Variants in KHDRBS3 observed in about 807,000 individuals in gnomAD.
The protein encoded by KHDRBS3 is KH domain-containing, RNA-binding, signal transduction-associated protein 3.
In KHDRBS3, 23 loss-of-function variants were observed where a neutral mutation model predicts 45.6. The observed-to-expected ratio is 0.50, with a 90% confidence interval of 0.36 to 0.72. The LOEUF is 0.72. KHDRBS3 is among the 30% of genes least tolerant of loss of function. The pLI, the probability that KHDRBS3 is intolerant of heterozygous loss-of-function variation, is 0.00. For missense variants in KHDRBS3, 352 were observed against 424.8 expected, an observed-to-expected ratio of 0.83 and a Z score of 1.51; for synonymous variants, 162 against 156.5, an observed-to-expected ratio of 1.04 and a Z score of -0.26.
intron 1 of KHDRBS3, among the ~76,000 whole-genome samples, chr8:135,518,676 A>C (rs4448315): frequency 0.021 from 3,219 of 152,330 alleles, 120 homozygotes; most frequent in African/African-American, 0.074. Flanking sequence ...TGAAGTCATG[A>C]ATTGTTATAC....
In KHDRBS3 at chr8:135,491,849, GAAATTAAGGCAGTGAC is replaced by G. The variant is rs1225851968; in HGVS notation, c.89-29373_89-29358del. Reference sequence around the variant, plus strand: ...TAGGTAAAACCTAAGCCTCTTAGCAGAAATTAAGGCAGTGACAAATTAAGGCAGTGGCACCAAACAG... The same window carrying G: ...TAGGTAAAACCTAAGCCTCTTAGCAGAAATTAAGGCAGTGGCACCAAACAG... On this transcript the variant is annotated intron_variant, in intron 1 of 8. Coordinates refer to ENST00000355849, the MANE Select transcript of KHDRBS3 (RefSeq NM_006558.3). 1.4e-4 allele frequency among the ~76,000 whole-genome samples: 22 copies of G among 151,922 alleles called. No homozygotes were observed. In the East Asian group the frequency reaches 3.7e-3, roughly 25 times the overall value.
At position 135,512,436 on chromosome 8, in the gene KHDRBS3, G is replaced by GGC. The variant is rs536973572; in HGVS notation, c.89-8800_89-8799insCG. Among the ~76,000 whole-genome samples, 16 of 130,110 alleles carry GGC rather than the reference G, an allele frequency of 1.2e-4. 2 individuals carry two copies. In the South Asian group the frequency reaches 2.8e-3, roughly 23 times the overall value. The allele number at this position is 130,110 out of a possible 152,430, so 85.4% of individuals were successfully genotyped here. A position where few individuals can be genotyped will look rare whatever the true frequency, so the allele number is the denominator to read the frequency against. On this transcript the variant is annotated intron_variant, in intron 1 of 8. Transcript: ENST00000355849. ...TAAGGTGTTTGGAAAAGTCGGGGGGGGGGTAATAACTCTATTGATCTTATT... is the reference window on the plus strand; with the variant it reads ...TAAGGTGTTTGGAAAAGTCGGGGGGGGCGGGTAATAACTCTATTGATCTTATT...
chr8:135,623,833 ATCATAAAATACTTGCTT>A (rs1189958659), intron 7 of KHDRBS3, among the ~76,000 whole-genome samples: 1 of 152,208 alleles, frequency 6.6e-6, no homozygotes, highest in Non-Finnish European at 1.5e-5. Flanking sequence ...CAACAATTTT[ATCATAAAATACTTGCTT>A]TCTACACACA....
intron 4 of KHDRBS3, among the ~76,000 whole-genome samples, chr8:135,653,807 A>G (rs4909502): frequency 0.34 from 51,915 of 152,184 alleles, 10,654 homozygotes; most frequent in South Asian, 0.51. Flanking sequence ...ACATAACCCC[A>G]TCCTAAGATG....
At position 135,645,129 on chromosome 8, in the gene KHDRBS3, G is replaced by T. The variant is rs1241127445; in HGVS notation, c.949+12G>T. The T allele has an allele frequency of 2.5e-6, 4 of 1,613,152 alleles. No individual in the cohort carries two copies. The highest frequency in any genetic ancestry group is 3.4e-6 in the Non-Finnish European group (4 of 1,179,674). On this transcript the variant is annotated intron_variant, in intron 8 of 8. Coordinates refer to ENST00000355849, the MANE Select transcript of KHDRBS3 (RefSeq NM_006558.3). ...TTATGATTCCTACGGTGAGTGACTG[G>T]CCAGAGCATGTGAAGAGAGGGAGGA... is the stretch of plus-strand genomic sequence containing the variant.
intron 1 of KHDRBS3, among the ~76,000 whole-genome samples, chr8:135,490,591 C>G (rs1465324505): frequency 2.0e-5 from 3 of 152,098 alleles, no homozygotes; most frequent in Non-Finnish European, 2.9e-5. Flanking sequence ...GTTAATATAC[C>G]TTTTCAGATA....
At chr8:135,521,461 A>T in intron 2 of KHDRBS3, 106 bp downstream of exon 2, 1 of 658,790 alleles carries the variant, frequency 1.5e-6, no homozygotes. Context: ...TTCTCTTAGC[A>T]TCCCCCTACA....
chr8:135,484,520 G>C (rs1364142566), intron 1 of KHDRBS3, among the ~76,000 whole-genome samples: 1 of 152,212 alleles, frequency 6.6e-6, no homozygotes, highest in Non-Finnish European at 1.5e-5. Context: ...GTTTCCAGCG[G>C]TTGCTCACAA....
At chr8:135,564,709 G>A (rs542404976) in intron 5 of KHDRBS3, among the ~76,000 whole-genome samples, 29 of 152,200 alleles carry the variant, frequency 1.9e-4, no homozygotes, top group African/African-American at 6.7e-4. Context: ...TCCTTCGTTT[G>A]TATTTTGAAG....
chr8:135,475,370 G>A (rs1054831870), intron 1 of KHDRBS3, among the ~76,000 whole-genome samples: 3 of 151,998 alleles, frequency 2.0e-5, no homozygotes, highest in Non-Finnish European at 4.4e-5. Flanking sequence ...GAATGAAGTG[G>A]TGTAGATCTC....
At chr8:135,489,778 T>C (rs1823048426) in intron 1 of KHDRBS3, among the ~76,000 whole-genome samples, 1 of 152,174 alleles carries the variant, frequency 6.6e-6, no homozygotes. Flanking sequence ...GAATTATTTA[T>C]TGAAGAAAAA....
In KHDRBS3 at chr8:135,536,663, A is replaced by G. The variant is rs538931890; in HGVS notation, c.208-5991A>G. ...TGTGGGAGGACTGAAGAAAATGGAC[A>G]GATTTAAGAGATGTTGGCCGGGCGC... On this transcript the variant is annotated intron_variant, in intron 2 of 8. Transcript: ENST00000355849. 5.9e-5 allele frequency among the ~76,000 whole-genome samples: 9 copies of G among 152,270 alleles called. No homozygotes were observed. In the South Asian group the frequency reaches 1.9e-3, roughly 32 times the overall value.
chr8:135,467,504 G>T (rs1821757285), intron 1 of KHDRBS3, among the ~76,000 whole-genome samples: 1 of 152,232 alleles, frequency 6.6e-6, no homozygotes, highest in Non-Finnish European at 1.5e-5. Context: ...GTTTCAGTTT[G>T]CAGTAGCTGC....
intron 4 of KHDRBS3, among the ~76,000 whole-genome samples, chr8:135,655,727 T>TTTTGTTTG (rs60237151): frequency 2.4e-4 from 37 of 151,356 alleles, no homozygotes; most frequent in Non-Finnish European, 3.1e-4. Flanking sequence ...CGATTGGGTT[T>TTTTGTTTG]TTTGTTTGTT....
At chr8:135,647,983 T>G (rs1831356919), downstream of KHDRBS3, 1 of 152,196 alleles carries the variant, frequency 6.6e-6, no homozygotes, top group Non-Finnish European at 1.5e-5. Flanking sequence ...TATGAGAATT[T>G]TGGTACCTTA....
rs534690147 is a variant in KHDRBS3, at chr8:135,577,706, A to T, written c.612-4172A>T. 3.3e-5 allele frequency among the ~76,000 whole-genome samples: 5 copies of T among 152,304 alleles called. No individual in the cohort carries two copies. In the East Asian group the frequency reaches 9.6e-4, roughly 29 times the overall value. The stretch of plus-strand genomic sequence containing the variant: ...ATGAATAAAGCTGCTGTAAACATTT[A>T]TGTGAAAGTTTTTATGTAGGCATAC... On this transcript the variant is annotated intron_variant, in intron 5 of 8. Coordinates refer to ENST00000355849, the MANE Select transcript of KHDRBS3 (RefSeq NM_006558.3).
chr8:135,524,578 CATA>C (rs1825084054), intron 2 of KHDRBS3, among the ~76,000 whole-genome samples: 1 of 152,094 alleles, frequency 6.6e-6, no homozygotes, highest in Non-Finnish European at 1.5e-5. Flanking sequence ...TACATTTTAT[CATA>C]ATATTTCAGT....
At chr8:135,513,009 G>A (rs368183015) in intron 1 of KHDRBS3, among the ~76,000 whole-genome samples, 15 of 151,984 alleles carry the variant, frequency 9.9e-5, no homozygotes, top group East Asian at 3.9e-4. Flanking sequence ...TCAGGAGATC[G>A]AGACCACGGT....
At chr8:135,561,744 A>T (rs190849882) in intron 5 of KHDRBS3, among the ~76,000 whole-genome samples, 1 of 152,138 alleles carries the variant, frequency 6.6e-6, no homozygotes, top group Non-Finnish European at 1.5e-5. Flanking sequence ...GAAAGAACTG[A>T]AAAGTCCCCG....
Sources: allele counts gnomAD v4.1 joint callset (sites outside exome capture counted in the v4.1 genomes callset), GRCh38; gene constraint gnomAD v4.1.1; transcripts MANE v1.5; gene names NCBI Gene and HGNC (gene_info 2026-07-23, HGNC 2026-07-21).